Variants in RPS10 observed in about 807,000 individuals in gnomAD.
The protein encoded by RPS10 is small ribosomal subunit protein eS10.
Under a neutral mutation model 22.6 loss-of-function variants are expected in RPS10, and 2 were observed. The ratio of observed to expected loss-of-function variants is 0.09; its 90% CI spans 0.04 to 0.28. The LOEUF is 0.28. Ranked by LOEUF, RPS10 falls within the 10% of genes least tolerant of loss-of-function variation. The pLI is 1.00. For missense variants in RPS10, 137 were observed against 222.2 expected, an observed-to-expected ratio of 0.62 and a Z score of 2.44; for synonymous variants, 70 against 75.9, an observed-to-expected ratio of 0.92 and a Z score of 0.40.
At chr6:34,422,645 G>A (rs890899497) in intron 3 of RPS10, among the ~76,000 whole-genome samples, 2 of 151,442 alleles carry the variant, frequency 1.3e-5, no homozygotes, top group Non-Finnish European at 2.9e-5. Flanking sequence ...CTTTAGTAGA[G>A]ACAGGGTTTT....
Position 34,425,234 on chromosome 6 carries a change from G to T in RPS10, c.1-13C>A. 1.2e-6 allele frequency: 2 copies of T among 1,600,810 alleles called. No individual in the cohort carries two copies. The highest frequency in any genetic ancestry group is 8.5e-7 in the Non-Finnish European group (1 of 1,173,704). Reference sequence around the variant, plus strand: ...TAGGCATCAACATCTGCAAGAAGGAGACGATTGTCAAGAGCACTTCTGAGT... The same window carrying T: ...TAGGCATCAACATCTGCAAGAAGGATACGATTGTCAAGAGCACTTCTGAGT... On this transcript the variant is annotated splice_polypyrimidine_tract_variant and intron_variant, in intron 1 of 5. Transcript: ENST00000648437.
At chr6:34,421,381 G>A (rs1265120836) in intron 4 of RPS10, among the ~76,000 whole-genome samples, 4 of 151,604 alleles carry the variant, frequency 2.6e-5, no homozygotes, top group Admixed American at 1.3e-4. Context: ...ACAGGGTTTC[G>A]TCATGTTGGC....
chr6:34,424,071 G>A (rs1303173076), intron 3 of RPS10, among the ~76,000 whole-genome samples: 1 of 124,198 alleles, frequency 8.1e-6, no homozygotes, highest in African/African-American at 2.9e-5. Flanking sequence ...CCATAACCTA[G>A]ATAAAATACA....
chr6:34,420,924 C>G (rs1002991472), intron 4 of RPS10, among the ~76,000 whole-genome samples: 1 of 151,038 alleles, frequency 6.6e-6, no homozygotes, highest in African/African-American at 2.4e-5. Context: ...AGGAGAGTGG[C>G]GTGAACCCAG....
intron 4 of RPS10, among the ~76,000 whole-genome samples, chr6:34,420,470 G>A (rs1010510391): frequency 6.1e-4 from 93 of 151,988 alleles, no homozygotes; most frequent in African/African-American, 1.8e-3. Flanking sequence ...CACCTGCCTC[G>A]GCCTCCCAAA....
intron 1 of RPS10, chr6:34,425,683 A>C (rs1446739612): frequency 5.2e-6 from 1 of 192,748 alleles, no homozygotes; most frequent in Non-Finnish European, 1.1e-5. Context: ...CTCGTCTCCT[A>C]CCTACCACTT....
rs115287053 is a variant in RPS10, at chr6:34,424,876, A to C, written c.151-36T>G. 2.5e-3 allele frequency: 3,963 copies of C among 1,613,450 alleles called. 94 individuals are homozygous for C. In the African/African-American group the frequency reaches 0.045, roughly 18 times the overall value. On this transcript the variant is annotated intron_variant, in intron 2 of 5. Transcript: ENST00000648437. ...GAAAACTACTGTTAAGGCGTTAAGTAGAAGCTTGGATCATCCTAGGCAAGT... is the reference window on the plus strand; with the variant it reads ...GAAAACTACTGTTAAGGCGTTAAGTCGAAGCTTGGATCATCCTAGGCAAGT...
In RPS10 at chr6:34,420,302, G is replaced by A. The variant is rs185038296; in HGVS notation, c.400+1428C>T. Among the ~76,000 whole-genome samples the A allele has an allele frequency of 8.9e-4, 136 of 152,044 alleles. No homozygotes were observed. In the East Asian group the frequency reaches 0.011, roughly 12 times the overall value. On this transcript the variant is annotated intron_variant, in intron 4 of 5. Transcript: ENST00000648437. ...ATGATCTTGTCTCACTGCAACCTCC[G>A]CCTCCCAGGTTCAAGCAATTCTCCC...
chr6:34,425,318 T>C (rs1301941048), intron 1 of RPS10, 97 bp from the exon 2 acceptor site: 13 of 1,472,688 alleles, frequency 8.8e-6, no homozygotes, highest in East Asian at 2.5e-5. Context: ...CACAAAACCG[T>C]AGACAACATG....
intron 4 of RPS10, among the ~76,000 whole-genome samples, chr6:34,420,138 T>G (rs189493904): frequency 1.5e-4 from 23 of 152,322 alleles, no homozygotes; most frequent in African/African-American, 5.3e-4. Context: ...CGAGGAAATT[T>G]TGTATTAGAT....
intron 1 of RPS10, chr6:34,425,465 TC>T (rs1765924552): frequency 2.0e-6 from 1 of 498,108 alleles, no homozygotes; most frequent in African/African-American, 1.9e-5. Context: ...GCGCCAAACT[TC>T]CTTAAGTTCT....
chr6:34,421,871 G>A, intron 3 of RPS10, 64 bp from the exon 4 acceptor site: 1 of 1,587,650 alleles, frequency 6.3e-7, no homozygotes, highest in Non-Finnish European at 8.7e-7. Context: ...TTAAAGCCAA[G>A]AAAACTGGCA....
intron 4 of RPS10, among the ~76,000 whole-genome samples, chr6:34,419,827 C>T (rs967902876): frequency 5.9e-5 from 9 of 152,290 alleles, no homozygotes; most frequent in Admixed American, 2.6e-4. Flanking sequence ...ATCTGCCCGC[C>T]TCGGCCTCCC....
chr6:34,423,346 G>T (rs989537193), intron 3 of RPS10, among the ~76,000 whole-genome samples: 1 of 151,924 alleles, frequency 6.6e-6, no homozygotes, highest in African/African-American at 2.4e-5. Flanking sequence ...TGCCTTAGCT[G>T]GTCTCAAACT....
chr6:34,425,010 C>G, intron 2 of RPS10, 62 bp downstream of exon 2: 3 of 1,611,354 alleles, frequency 1.9e-6, no homozygotes, highest in Non-Finnish European at 2.5e-6. Flanking sequence ...CCCATTCCAT[C>G]CCATCCCGGG....
intron 3 of RPS10, 123 bp downstream of exon 3, chr6:34,424,546 G>A (rs1459815987): frequency 1.5e-6 from 2 of 1,336,258 alleles, no homozygotes; most frequent in African/African-American, 2.9e-5. Flanking sequence ...AAAGGTTCTA[G>A]CACTTGACCA....
chr6:34,424,404 C>G (rs993041339), intron 3 of RPS10: 1 of 483,378 alleles, frequency 2.1e-6, no homozygotes, highest in South Asian at 2.1e-5. Flanking sequence ...ACTCAATATT[C>G]TATACCACAT....
intron 3 of RPS10, among the ~76,000 whole-genome samples, chr6:34,424,001 C>T (rs1204685825): frequency 2.6e-5 from 4 of 152,062 alleles, no homozygotes; most frequent in South Asian, 4.2e-4. Flanking sequence ...TAGGAATCTG[C>T]GCATTTTTTC....
Position 34,425,126 on chromosome 6 carries a change from G to A in RPS10, c.96C>T (p.His32=). The change falls in exon 2 of 6, where the codon CAC becomes CAT. Residue 32 remains histidine, a synonymous_variant. Coordinates refer to ENST00000648437, the MANE Select transcript of RPS10 (RefSeq NM_001014.5). ...VAKKDVHMPK[H]PELADKNVPN... ...GCACATTCTTGTCTGCCAGCTCCGG[G>A]TGCTTAGGCATGTGGACATCCTTCT... 1.9e-6 allele frequency: 3 copies of A among 1,613,222 alleles called. No homozygotes were observed. Among genetic ancestry groups the A allele is most frequent in the Non-Finnish European group, 2.5e-6 (3 of 1,179,942 alleles).
Sources: gnomAD v4.1 joint callset for allele counts (sites outside exome capture counted in the v4.1 genomes callset) on GRCh38, gnomAD v4.1.1 for gene constraint, MANE v1.5 for transcripts, NCBI Gene and HGNC (gene_info 2026-07-23, HGNC 2026-07-21) for gene names.